The following USH2A variants were observed in gnomAD, a reference collection of about 807,000 sequenced individuals.
USH2A encodes usherin.
A neutral mutation model predicts 538.9 loss-of-function variants in USH2A; 443 were observed. The observed-to-expected ratio is 0.82, with a 90% CI of 0.76 to 0.89. USH2A has a LOEUF of 0.89. Among genes scored for constraint, USH2A ranks in the 40% least tolerant of loss-of-function variants. The pLI is 0.00. For missense variants in USH2A, 6,633 were observed against 6,324.8 expected (o/e 1.05, Z -1.65); for synonymous variants, 2,413 against 2,273.5 (o/e 1.06, Z -1.75).
At chr1:215,641,339 G>A (rs943839759) in intron 67 of USH2A, among the ~76,000 whole-genome samples, 1 of 152,138 alleles carries the variant, frequency 6.6e-6, no homozygotes, top group African/African-American at 2.4e-5. Context: ...AGTAATTCAA[G>A]TATAATAATT....
At chr1:215,676,072 G>C (rs1658014257) in intron 62 of USH2A, among the ~76,000 whole-genome samples, 1 of 152,098 alleles carries the variant, frequency 6.6e-6, no homozygotes, top group Non-Finnish European at 1.5e-5. Flanking sequence ...TTAATCATTT[G>C]TTGTTACAGA....
At chr1:215,997,043 A>C (rs1003078807) in intron 34 of USH2A, among the ~76,000 whole-genome samples, 1 of 152,138 alleles carries the variant, frequency 6.6e-6, no homozygotes, top group African/African-American at 2.4e-5. Flanking sequence ...TCGATCTACT[A>C]ATCTAATGAC....
At chr1:215,912,376 C>T (rs1329900884) in intron 38 of USH2A, among the ~76,000 whole-genome samples, 9 of 150,504 alleles carry the variant, frequency 6.0e-5, no homozygotes, top group African/African-American at 2.2e-4. Context: ...TATTTTTGTA[C>T]ATGGTGAGAG....
intron 20 of USH2A, among the ~76,000 whole-genome samples, chr1:216,182,756 G>C (rs1010452536): frequency 1.3e-5 from 2 of 152,042 alleles, no homozygotes; most frequent in Non-Finnish European, 2.9e-5. Flanking sequence ...GGCAGCCACA[G>C]TTCTAAGGCT....
chr1:216,257,464 A>G (rs981743640), intron 11 of USH2A, among the ~76,000 whole-genome samples: 1 of 151,922 alleles, frequency 6.6e-6, no homozygotes, highest in Non-Finnish European at 1.5e-5. Flanking sequence ...TTATTTTATC[A>G]TTAAAAATTT....
chr1:216,380,823 A>T (rs1571761601), intron 3 of USH2A, among the ~76,000 whole-genome samples: 1 of 152,280 alleles, frequency 6.6e-6, no homozygotes, highest in Non-Finnish European at 1.5e-5. Context: ...GTAGCTTTTC[A>T]TTCTATCACA....
chr1:215,715,481 G>A (rs576217432), intron 61 of USH2A, among the ~76,000 whole-genome samples: 2 of 152,304 alleles, frequency 1.3e-5, no homozygotes, highest in Admixed American at 6.5e-5. Flanking sequence ...ACTATGGGTT[G>A]TGACACTTGA....
At chr1:216,247,491 C>T (rs578043679) in intron 12 of USH2A, among the ~76,000 whole-genome samples, 1 of 152,232 alleles carries the variant, frequency 6.6e-6, no homozygotes, top group Non-Finnish European at 1.5e-5. Flanking sequence ...AATGTTGTTT[C>T]TGTTACATAT....
chr1:215,951,312 C>T (rs530567456), intron 37 of USH2A, among the ~76,000 whole-genome samples: 2 of 152,286 alleles, frequency 1.3e-5, no homozygotes, highest in South Asian at 2.1e-4. Context: ...TCGTTATGTA[C>T]CCAGCAGTCA....
At chr1:216,135,761 T>C (rs1007013349) in intron 21 of USH2A, among the ~76,000 whole-genome samples, 2 of 152,110 alleles carry the variant, frequency 1.3e-5, no homozygotes, top group African/African-American at 4.8e-5. Context: ...CCTATGTGCA[T>C]CTTAATATGT....
At chr1:215,768,853 G>A (rs1661202714) in intron 55 of USH2A, among the ~76,000 whole-genome samples, 2 of 152,294 alleles carry the variant, frequency 1.3e-5, no homozygotes, top group South Asian at 4.1e-4. Context: ...TTTGAGAGTA[G>A]AAATGGCATC....
intron 13 of USH2A, among the ~76,000 whole-genome samples, chr1:216,240,470 G>T (rs1015996827): frequency 2.0e-5 from 3 of 150,832 alleles, no homozygotes; most frequent in African/African-American, 7.3e-5. Flanking sequence ...ATAGGCAAAA[G>T]GGTCCACTGA....
intron 15 of USH2A, among the ~76,000 whole-genome samples, chr1:216,210,775 G>GATCAAGACC (rs1429953991): frequency 3.3e-5 from 5 of 152,036 alleles, no homozygotes; most frequent in Non-Finnish European, 5.9e-5. Context: ...GAGGTCAGGA[G>GATCAAGACC]ATCAAGACCA....
chr1:215,695,172 G>A (rs560410671), intron 61 of USH2A, among the ~76,000 whole-genome samples: 1 of 152,282 alleles, frequency 6.6e-6, no homozygotes, highest in Non-Finnish European at 1.5e-5. Context: ...CTATTTCCAG[G>A]TCTGGACCTT....
intron 58 of USH2A, among the ~76,000 whole-genome samples, chr1:215,758,009 C>T (rs560433510): frequency 3.3e-5 from 5 of 152,102 alleles, no homozygotes; most frequent in Non-Finnish European, 5.9e-5. Context: ...GTAAGCCGGG[C>T]GTGGTGGCTC....
At chr1:216,072,208 C>T (rs1029688138) in intron 29 of USH2A, among the ~76,000 whole-genome samples, 3 of 152,286 alleles carry the variant, frequency 2.0e-5, no homozygotes, top group Admixed American at 6.5e-5. Context: ...GTCACTGATT[C>T]ACAAAACTCT....
intron 18 of USH2A, among the ~76,000 whole-genome samples, chr1:216,197,056 G>C (rs1195160634): frequency 6.6e-6 from 1 of 152,008 alleles, no homozygotes; most frequent in East Asian, 1.9e-4. Flanking sequence ...CACAAAAATA[G>C]AACATCTCAG....
Position 215,680,245 on chromosome 1 carries a change from T to C in USH2A, c.12198A>G (p.Pro4066=). The change falls in exon 62 of 72, where the codon CCA becomes CCG. Residue 4066 remains proline (P), a synonymous_variant. Transcript: ENST00000307340. ...WTLIQTLESS[P]SGLRNFIVEQ... is the part of the protein sequence containing the mutation. ...CTACTATAAAGTTTCTCAGTCCACT[T>C]GGGGAAGATTCTAAGGTTTGAATCA... 6.2e-6 allele frequency: 10 copies of C among 1,614,138 alleles called. No individual in the cohort carries two copies. The highest frequency in any genetic ancestry group is 8.5e-6 in the Non-Finnish European group (10 of 1,179,996).
chr1:215,760,907 T>C (rs574233203), intron 56 of USH2A, among the ~76,000 whole-genome samples: 1 of 152,336 alleles, frequency 6.6e-6, no homozygotes, highest in South Asian at 2.1e-4. Flanking sequence ...TTTGTAAAAG[T>C]GTATAAAGTG....
Sources: allele counts gnomAD v4.1 joint callset (sites outside exome capture counted in the v4.1 genomes callset), GRCh38; gene constraint gnomAD v4.1.1; transcripts MANE v1.5; gene names NCBI Gene and HGNC (gene_info 2026-07-23, HGNC 2026-07-21).